SPOCK3: variants seen among roughly 807,000 people sequenced by gnomAD.
SPOCK3 encodes SPARC (osteonectin), cwcv and kazal like domains proteoglycan 3, also known as testican-3.
In SPOCK3, 30 loss-of-function variants were observed where a neutral mutation model predicts 56.6. That is an observed-to-expected ratio of 0.53 (90% CI 0.40 to 0.72). The LOEUF is 0.72. Among genes scored for constraint, SPOCK3 ranks in the 30% least tolerant of loss-of-function variants. The pLI, the probability that SPOCK3 is intolerant of heterozygous loss-of-function variation, is 0.00. For missense variants in SPOCK3, 527 were observed against 530.0 expected, an observed-to-expected ratio of 0.99 and a Z score of 0.06; for synonymous variants, 196 against 183.3, an observed-to-expected ratio of 1.07 and a Z score of -0.56.
Position 166,909,076 on chromosome 4 carries a change from C to T in SPOCK3, c.474+3544G>A, listed in dbSNP as rs896680031. 5.1e-4 allele frequency among the ~76,000 whole-genome samples: 77 copies of T among 152,098 alleles called. 2 individuals carry two copies. Among genetic ancestry groups the T allele is most frequent in the Admixed American group, 2.7e-3 (41 of 15,250 alleles). On this transcript the variant is annotated intron_variant, in intron 5 of 10. Transcript: ENST00000357545. ...TAATTTTTCTTAACAGGAAAAAAGGCAATGTTCCAAAAATACTTTTTATGA... is the reference window on the plus strand; with the variant it reads ...TAATTTTTCTTAACAGGAAAAAAGGTAATGTTCCAAAAATACTTTTTATGA...
intron 2 of SPOCK3, among the ~76,000 whole-genome samples, chr4:167,097,836 C>T (rs184060360): frequency 6.6e-6 from 1 of 152,070 alleles, no homozygotes; most frequent in Non-Finnish European, 1.5e-5. Context: ...AAATGTGATA[C>T]ATATACACTA....
At chr4:166,944,549 G>A (rs1741493089) in intron 4 of SPOCK3, among the ~76,000 whole-genome samples, 1 of 151,922 alleles carries the variant, frequency 6.6e-6, no homozygotes, top group African/African-American at 2.4e-5. Context: ...TTTTTCTTGA[G>A]GGAGGGGTGG....
At chr4:166,776,852 T>C (rs1739605130) in intron 7 of SPOCK3, among the ~76,000 whole-genome samples, 1 of 152,160 alleles carries the variant, frequency 6.6e-6, no homozygotes, top group African/African-American at 2.4e-5. Context: ...TAAAGAAATC[T>C]TCACTTAAGG....
intron 4 of SPOCK3, among the ~76,000 whole-genome samples, chr4:166,976,963 G>A (rs1485450130): frequency 6.6e-6 from 1 of 151,554 alleles, no homozygotes; most frequent in South Asian, 2.1e-4. Context: ...ATTTTTATAT[G>A]CAAAGAAACA....
chr4:166,853,439 G>C (rs1328005215), intron 6 of SPOCK3, among the ~76,000 whole-genome samples: 1 of 152,048 alleles, frequency 6.6e-6, no homozygotes, highest in Non-Finnish European at 1.5e-5. Flanking sequence ...TTTCATAGAG[G>C]ACCATATTTT....
At chr4:166,832,153 C>T (rs1262156909) in intron 6 of SPOCK3, among the ~76,000 whole-genome samples, 1 of 151,918 alleles carries the variant, frequency 6.6e-6, no homozygotes, top group Non-Finnish European at 1.5e-5. Context: ...TCATCAATTA[C>T]GTCCCAAGGC....
At chr4:167,052,868 GTAA>G (rs1262411117) in intron 3 of SPOCK3, among the ~76,000 whole-genome samples, 8 of 152,170 alleles carry the variant, frequency 5.3e-5, no homozygotes, top group Admixed American at 5.2e-4. Flanking sequence ...CTTAAGAAGT[GTAA>G]TAATAGTGCA....
In SPOCK3 at chr4:167,159,594, G is replaced by A. The variant is rs4058699; in HGVS notation, c.189+74391C>T. On this transcript the variant is annotated intron_variant, in intron 2 of 10. Coordinates refer to ENST00000357545, the MANE Select transcript of SPOCK3 (RefSeq NM_001040159.2). Reference sequence around the variant, plus strand: ...CGGGCAGAGACACAACCAAAAAAGAGAATTTTAGACCAATATCCCTGATGA... The same window carrying A: ...CGGGCAGAGACACAACCAAAAAAGAAAATTTTAGACCAATATCCCTGATGA... Among the ~76,000 whole-genome samples the A allele has an allele frequency of 7.2e-4, 109 of 152,026 alleles. 1 individual carries two copies. Among genetic ancestry groups the A allele is most frequent in the Non-Finnish European group, 1.3e-3 (87 of 67,974 alleles).
chr4:167,025,129 TCTGGTCAAA>T (rs1751580818), intron 3 of SPOCK3, among the ~76,000 whole-genome samples: 1 of 151,922 alleles, frequency 6.6e-6, no homozygotes, highest in Admixed American at 6.6e-5. Context: ...TCTTCGTCCT[TCTGGTCAAA>T]CTGGTTCTAT....
intron 5 of SPOCK3, among the ~76,000 whole-genome samples, chr4:166,902,930 T>C (rs898457443): frequency 2.0e-5 from 3 of 150,716 alleles, no homozygotes; most frequent in African/African-American, 7.3e-5. Context: ...TGATGTCTGT[T>C]ACTAATAATT....
chr4:167,037,449 T>A (rs1386053607), intron 3 of SPOCK3, among the ~76,000 whole-genome samples: 1 of 146,814 alleles, frequency 6.8e-6, no homozygotes, highest in African/African-American at 2.5e-5. Context: ...ACCACTGCAC[T>A]CCGGCCTGGG....
intron 8 of SPOCK3, among the ~76,000 whole-genome samples, chr4:166,745,815 C>T (rs1475067512): frequency 1.3e-5 from 2 of 151,486 alleles, no homozygotes; most frequent in African/African-American, 2.4e-5. Context: ...AAATGTAAAA[C>T]AAAAAAAGCA....
At chr4:166,959,157 T>C (rs957636775) in intron 4 of SPOCK3, among the ~76,000 whole-genome samples, 1 of 152,160 alleles carries the variant, frequency 6.6e-6, no homozygotes, top group African/African-American at 2.4e-5. Flanking sequence ...TTTGATATTG[T>C]GTACCAGGTT....
intron 3 of SPOCK3, among the ~76,000 whole-genome samples, chr4:167,045,226 T>C (rs945836216): frequency 2.3e-4 from 35 of 152,098 alleles, no homozygotes; most frequent in African/African-American, 8.4e-4. Context: ...TATTTTTTAT[T>C]AGTGTGAGTA....
chr4:166,794,803 C>A, intron 6 of SPOCK3, among the ~76,000 whole-genome samples: 1 of 151,832 alleles, frequency 6.6e-6, no homozygotes, highest in East Asian at 1.9e-4. Flanking sequence ...CCACCAGGCC[C>A]AGCTAATTTT....
chr4:166,805,460 T>C (rs1743058348), intron 6 of SPOCK3, among the ~76,000 whole-genome samples: 1 of 152,064 alleles, frequency 6.6e-6, no homozygotes, highest in African/African-American at 2.4e-5. Flanking sequence ...TGATACGATT[T>C]GATAGATTAG....
rs577868339 is a variant in SPOCK3 at position 167,056,630 on chromosome 4, G to A, written c.235+5862C>T. The stretch of plus-strand genomic sequence containing the variant: ...CTGAAAGCCAAGGCTCGAGAACTAC[G>A]TGAAGAATGCAGAAGCCTCAGGAGC... On this transcript the variant is annotated intron_variant, in intron 3 of 10. Transcript: ENST00000357545. Among the ~76,000 whole-genome samples the A allele has an allele frequency of 5.3e-5, 8 of 152,306 alleles. No individual in the cohort carries two copies. The East Asian group carries it at 5.8e-4, about 11-fold the overall frequency.
chr4:167,216,245 G>A (rs997164589), intron 2 of SPOCK3, among the ~76,000 whole-genome samples: 7 of 151,696 alleles, frequency 4.6e-5, no homozygotes, highest in South Asian at 2.1e-4. Context: ...TTATCCCACC[G>A]AAAAAAATAC....
At chr4:167,221,398 C>T (rs1735904116) in intron 2 of SPOCK3, among the ~76,000 whole-genome samples, 1 of 151,578 alleles carries the variant, frequency 6.6e-6, no homozygotes, top group African/African-American at 2.4e-5. Context: ...TATAATACAA[C>T]AAAAAAAGCA....
Sources: allele counts gnomAD v4.1 joint callset (sites outside exome capture counted in the v4.1 genomes callset), GRCh38; gene constraint gnomAD v4.1.1; transcripts MANE v1.5; gene names NCBI Gene and HGNC (gene_info 2026-07-23, HGNC 2026-07-21).